CNOT6: variants seen among roughly 807,000 people sequenced by gnomAD.
CNOT6 encodes CCR4-NOT transcription complex subunit 6.
CNOT6 carries 12 observed loss-of-function variants against 61.2 expected under a neutral mutation model. The ratio of observed to expected loss-of-function variants is 0.20; its 90% CI spans 0.13 to 0.32. The LOEUF (loss-of-function observed/expected upper bound fraction) is 0.32. Ranked by LOEUF, CNOT6 falls within the 10% of genes least tolerant of loss-of-function variation. CNOT6 has a pLI of 1.00. For missense variants in CNOT6, 405 were observed against 663.9 expected (o/e 0.61, Z 4.28); for synonymous variants, 225 against 240.6 (o/e 0.94, Z 0.60).
At chr5:180,519,108 G>A (rs72811166) in intron 1 of CNOT6, among the ~76,000 whole-genome samples, 3,442 of 152,304 alleles carry the variant, frequency 0.023, 46 homozygotes, top group Non-Finnish European at 0.027. Context: ...TCAGGGACAC[G>A]TGTGCTGTAA....
At chr5:180,569,068 C>A in intron 9 of CNOT6, 42 bp from the exon 10 acceptor site, 1 of 1,426,318 alleles carries the variant, frequency 7.0e-7, no homozygotes, top group Non-Finnish European at 9.8e-7. Context: ...GGCTGATGGG[C>A]GGGTTTTGTC....
At chr5:180,505,035 T>A (rs1210477211) in intron 1 of CNOT6, among the ~76,000 whole-genome samples, 1 of 146,874 alleles carries the variant, frequency 6.8e-6, no homozygotes, top group Non-Finnish European at 1.5e-5. Flanking sequence ...CTTGACTCGC[T>A]GCAAGCTCTG....
intron 1 of CNOT6, among the ~76,000 whole-genome samples, chr5:180,505,651 C>T (rs868729990): frequency 4.6e-5 from 7 of 151,028 alleles, no homozygotes; most frequent in South Asian, 4.2e-4. Context: ...AGGTTTACGC[C>T]ATTCTCCTGC....
chr5:180,551,909 G>A (rs926805053), intron 3 of CNOT6, among the ~76,000 whole-genome samples: 4 of 146,642 alleles, frequency 2.7e-5, no homozygotes, highest in East Asian at 2.0e-4. Flanking sequence ...TACTCTTGTC[G>A]CCCAGACTGG....
At chr5:180,545,596 G>T (rs919226855) in intron 2 of CNOT6, among the ~76,000 whole-genome samples, 1 of 151,878 alleles carries the variant, frequency 6.6e-6, no homozygotes, top group African/African-American at 2.4e-5. Context: ...GTATGGCTAC[G>T]CCAGCATTTG....
chr5:180,545,459 C>T (rs2131812), intron 2 of CNOT6, among the ~76,000 whole-genome samples: 26,658 of 152,036 alleles, frequency 0.18, 2,433 homozygotes, highest in Non-Finnish European at 0.19. Context: ...GGACACCTTG[C>T]ATTTTTTTTG....
At chr5:180,550,910 A>G (rs1759563097) in intron 3 of CNOT6, among the ~76,000 whole-genome samples, 1 of 152,172 alleles carries the variant, frequency 6.6e-6, no homozygotes, top group Non-Finnish European at 1.5e-5. Flanking sequence ...TCACATGTGT[A>G]AGTTCAGGTT....
chr5:180,548,178 A>G (rs141746292), intron 2 of CNOT6, among the ~76,000 whole-genome samples: 1 of 152,300 alleles, frequency 6.6e-6, no homozygotes, highest in East Asian at 1.9e-4. Flanking sequence ...TGGGTTTTGT[A>G]TATTCACAGA....
intron 2 of CNOT6, among the ~76,000 whole-genome samples, chr5:180,548,282 G>A (rs550833540): frequency 4.6e-5 from 7 of 152,308 alleles, no homozygotes; most frequent in East Asian, 1.9e-4. Context: ...ATTTAGGAAC[G>A]AAGTCTAGCC....
At chr5:180,557,841 T>G (rs1232480505) in intron 4 of CNOT6, among the ~76,000 whole-genome samples, 1 of 152,228 alleles carries the variant, frequency 6.6e-6, no homozygotes, top group Non-Finnish European at 1.5e-5. Flanking sequence ...ATGTTACATT[T>G]AAGTCTATGA....
At chr5:180,505,127 T>A (rs1439544000) in intron 1 of CNOT6, among the ~76,000 whole-genome samples, 2 of 148,538 alleles carry the variant, frequency 1.3e-5, no homozygotes, top group East Asian at 3.9e-4. Context: ...CCCAGCTAAT[T>A]TTTTTTGTAT....
chr5:180,528,154 A>G (rs893218570), intron 1 of CNOT6, among the ~76,000 whole-genome samples: 21 of 152,058 alleles, frequency 1.4e-4, no homozygotes, highest in Non-Finnish European at 3.1e-4. Flanking sequence ...ACCATTGATC[A>G]TTGCCTAGAT....
chr5:180,527,032 A>G (rs1758132911), intron 1 of CNOT6, among the ~76,000 whole-genome samples: 1 of 151,938 alleles, frequency 6.6e-6, no homozygotes, highest in African/African-American at 2.4e-5. Flanking sequence ...GGTGTATACC[A>G]CCATGCTTGG....
At chr5:180,571,101 T>C in intron 10 of CNOT6, 129 bp from the exon 11 acceptor site, 1 of 653,956 alleles carries the variant, frequency 1.5e-6, no homozygotes, top group Non-Finnish European at 2.7e-6. Flanking sequence ...GGGCAAGTCC[T>C]GGCAAATGTA....
chr5:180,504,889 A>G (rs1757050670), intron 1 of CNOT6, among the ~76,000 whole-genome samples: 1 of 151,732 alleles, frequency 6.6e-6, no homozygotes, highest in East Asian at 1.9e-4. Context: ...TCTCAGTTCT[A>G]ATTTGATTCT....
chr5:180,544,057 C>T (rs756130014), intron 2 of CNOT6, among the ~76,000 whole-genome samples: 6 of 152,140 alleles, frequency 3.9e-5, no homozygotes, highest in South Asian at 2.1e-4. Context: ...GTGATCCACC[C>T]GCCTCGACCT....
chr5:180,569,686 A>T (rs1409209046), intron 10 of CNOT6, among the ~76,000 whole-genome samples: 1 of 152,334 alleles, frequency 6.6e-6, no homozygotes, highest in East Asian at 1.9e-4. Flanking sequence ...TGGTAATATA[A>T]TCATAGTTTA....
intron 2 of CNOT6, chr5:180,534,272 A>G (rs1758556603): frequency 6.1e-6 from 1 of 165,230 alleles, no homozygotes; most frequent in Non-Finnish European, 1.4e-5. Flanking sequence ...CGTAGGCATT[A>G]AAGCCAAAGA....
chr5:180,553,304 T>C (rs1759713410), intron 3 of CNOT6, 82 bp from the exon 4 acceptor site: 3 of 903,842 alleles, frequency 3.3e-6, no homozygotes, highest in Admixed American at 4.4e-5. Context: ...TAGGTGCTTA[T>C]GTTCCTAGAA....
Sources: allele counts gnomAD v4.1 joint callset (sites outside exome capture counted in the v4.1 genomes callset), GRCh38; gene constraint gnomAD v4.1.1; transcripts MANE v1.5; gene names NCBI Gene and HGNC (gene_info 2026-07-23, HGNC 2026-07-21).